CCNY: variants seen among roughly 807,000 people sequenced by gnomAD.
The protein encoded by CCNY is cyclin Y.
In CCNY, 19 loss-of-function variants were observed where a neutral mutation model predicts 42.8. The ratio of observed to expected loss-of-function variants is 0.44; its 90% CI spans 0.31 to 0.65. The LOEUF (loss-of-function observed/expected upper bound fraction) is 0.65. CCNY is among the 30% of genes least tolerant of loss of function. The probability of loss-of-function intolerance (pLI) is 0.07; values close to 1 mark genes in which losing one functional copy is unlikely to be tolerated. For synonymous variants in CCNY, 165 were observed against 162.7 expected (o/e 1.01, Z -0.11); for missense variants, 370 against 437.3 (o/e 0.85, Z 1.37).
chr10:35,376,213 G>A (rs747542642), intron 1 of CCNY, among the ~76,000 whole-genome samples: 21 of 152,176 alleles, frequency 1.4e-4, no homozygotes, highest in Non-Finnish European at 4.4e-5. Context: ...CTCATACATT[G>A]CTGGTATAAA....
At chr10:35,345,669 G>A (rs76692167) in intron 1 of CCNY, among the ~76,000 whole-genome samples, 1 of 152,126 alleles carries the variant, frequency 6.6e-6, no homozygotes, top group Non-Finnish European at 1.5e-5. Flanking sequence ...GTCCATAGTT[G>A]GAGAAGCTGG....
intron 3 of CCNY, among the ~76,000 whole-genome samples, chr10:35,297,260 A>G (rs186876586): frequency 6.6e-6 from 1 of 152,304 alleles, no homozygotes; most frequent in African/African-American, 2.4e-5. Flanking sequence ...CAAAAAGCAT[A>G]ATGATCTCAA....
At chr10:35,511,925 G>A (rs1840332927) in intron 3 of CCNY, among the ~76,000 whole-genome samples, 1 of 152,204 alleles carries the variant, frequency 6.6e-6, no homozygotes, top group South Asian at 2.1e-4. Flanking sequence ...GAGGCAACAC[G>A]ATCTGATTTG....
chr10:35,428,930 G>A (rs1035369949), intron 1 of CCNY, among the ~76,000 whole-genome samples: 12 of 152,162 alleles, frequency 7.9e-5, no homozygotes, highest in African/African-American at 2.7e-4. Flanking sequence ...CTTACTTAGG[G>A]CAAGGCACAA....
intron 1 of CCNY, among the ~76,000 whole-genome samples, chr10:35,403,857 A>G (rs1837699651): frequency 6.6e-6 from 1 of 152,278 alleles, no homozygotes; most frequent in South Asian, 2.1e-4. Context: ...GTGAGTGGTG[A>G]TTAGGCCTGG....
chr10:35,345,885 G>C (rs565386084), intron 1 of CCNY, among the ~76,000 whole-genome samples: 1 of 152,350 alleles, frequency 6.6e-6, no homozygotes, highest in South Asian at 2.1e-4. Context: ...TCTGAAGTCA[G>C]TGTGATGCCA....
intron 3 of CCNY, among the ~76,000 whole-genome samples, chr10:35,514,307 T>G (rs546718604): frequency 6.6e-6 from 1 of 152,286 alleles, no homozygotes; most frequent in East Asian, 1.9e-4. Flanking sequence ...TTGGGATCTT[T>G]ATTCAGTTTC....
chr10:35,426,109 G>GCACA (rs1341818857), intron 1 of CCNY, among the ~76,000 whole-genome samples: 3,853 of 111,638 alleles, frequency 0.035, 191 homozygotes, highest in Non-Finnish European at 0.042. Flanking sequence ...GGTCCAGCAC[G>GCACA]CGCACACACA....
chr10:35,440,386 A>G (rs1201609439), intron 1 of CCNY, among the ~76,000 whole-genome samples: 1 of 152,206 alleles, frequency 6.6e-6, no homozygotes, highest in Non-Finnish European at 1.5e-5. Context: ...GAAAGGGCCA[A>G]GTGGTCTCTG....
intron 1 of CCNY, among the ~76,000 whole-genome samples, chr10:35,405,512 A>T (rs1196312436): frequency 1.3e-5 from 2 of 152,140 alleles, no homozygotes; most frequent in East Asian, 3.9e-4. Context: ...GCAGGTGGGG[A>T]TAACTAAAAA....
chr10:35,418,515 CT>C (rs1838076171), intron 1 of CCNY, among the ~76,000 whole-genome samples: 3 of 152,210 alleles, frequency 2.0e-5, no homozygotes, highest in Admixed American at 6.5e-5. Context: ...TAAATGTGTC[CT>C]CTTGTCCACA....
intron 3 of CCNY, among the ~76,000 whole-genome samples, chr10:35,281,594 C>T (rs1246798561): frequency 2.0e-5 from 3 of 152,084 alleles, no homozygotes; most frequent in Non-Finnish European, 4.4e-5. Context: ...TGAGCCACTG[C>T]GTCTGGCCTT....
At chr10:35,443,544 C>T (rs1452215648) in intron 1 of CCNY, among the ~76,000 whole-genome samples, 2 of 152,208 alleles carry the variant, frequency 1.3e-5, no homozygotes, top group Non-Finnish European at 2.9e-5. Context: ...CTCTGTCCCA[C>T]TCTGTAGAAA....
chr10:35,565,663 C>T (rs985589904), intron 8 of CCNY, among the ~76,000 whole-genome samples: 18 of 152,318 alleles, frequency 1.2e-4, no homozygotes, highest in African/African-American at 4.3e-4. Context: ...GCGGAAGGGC[C>T]CTCACTGGAC....
chr10:35,326,607 A>G (rs1835883303), intron 3 of CCNY, among the ~76,000 whole-genome samples: 1 of 152,110 alleles, frequency 6.6e-6, no homozygotes, highest in African/African-American at 2.4e-5. Flanking sequence ...GATCAGAACC[A>G]TTGCTTCTAG....
At chr10:35,447,193 C>T (rs1015959777) in intron 1 of CCNY, among the ~76,000 whole-genome samples, 1 of 152,190 alleles carries the variant, frequency 6.6e-6, no homozygotes, top group Non-Finnish European at 1.5e-5. Context: ...AGGAGAATGG[C>T]GTGAACCCGG....
intron 7 of CCNY, among the ~76,000 whole-genome samples, chr10:35,550,764 A>G (rs1187876613): frequency 6.6e-6 from 1 of 151,904 alleles, no homozygotes; most frequent in Non-Finnish European, 1.5e-5. Flanking sequence ...ACCACATACC[A>G]GGTTTTACTC....
At chr10:35,477,983 A>C (rs1434711503) in intron 1 of CCNY, among the ~76,000 whole-genome samples, 1 of 144,424 alleles carries the variant, frequency 6.9e-6, no homozygotes, top group Non-Finnish European at 1.5e-5. Context: ...AAGCATTCCT[A>C]TACACCAACA....
intron 3 of CCNY, among the ~76,000 whole-genome samples, chr10:35,288,682 C>CT: frequency 6.6e-6 from 1 of 152,032 alleles, no homozygotes; most frequent in South Asian, 2.1e-4. Context: ...CAAGGTTCAT[C>CT]TTTTTTCCCC....
Sources: gnomAD v4.1 joint callset for allele counts (sites outside exome capture counted in the v4.1 genomes callset) on GRCh38, gnomAD v4.1.1 for gene constraint, MANE v1.5 for transcripts, NCBI Gene and HGNC (gene_info 2026-07-23, HGNC 2026-07-21) for gene names.